Variants in ANKRD24 observed in about 807,000 individuals in gnomAD.
The protein encoded by ANKRD24 is ankyrin repeat domain 24.
Under a neutral mutation model 127.8 loss-of-function variants are expected in ANKRD24, and 109 were observed. The observed-to-expected ratio is 0.85, with a 90% CI of 0.73 to 1.00. The LOEUF is 1.00. Ranked by LOEUF, ANKRD24 falls within the 50% of genes least tolerant of loss-of-function variation. The pLI is 0.00. For synonymous variants in ANKRD24, 743 were observed against 671.1 expected (o/e 1.11, Z -1.66); for missense variants, 1,648 against 1,570.2 (o/e 1.05, Z -0.84).
rs61741405 is a variant in ANKRD24, at chr19:4,216,934, A to G, written c.1774A>G (p.Thr592Ala). The G allele has an allele frequency of 2.1e-3, 3,311 of 1,611,148 alleles. 71 individuals carry two copies. The African/African-American group carries it at 0.04, about 20-fold the overall frequency. ...AGCCGAGGCCACGGGAGCTGAGGCC[A>G]CAGGAGCCAAGGTCACAGAAACAAA... ...TGAEATGAEA[T>A]GAKVTETKPT... The change falls in exon 18 of 22, where the codon ACA becomes GCA. Residue 592 changes from threonine (T) to alanine (A), a missense_variant. Thr to Ala is a moderately conservative substitution (Grantham distance 58). Transcript: ENST00000318934.
At chr19:4,190,999 G>A (rs1281644256) in intron 2 of ANKRD24, among the ~76,000 whole-genome samples, 1 of 152,184 alleles carries the variant, frequency 6.6e-6, no homozygotes, top group Non-Finnish European at 1.5e-5. Context: ...GCAATGGGAG[G>A]GGTCGGGACA....
rs1203478398 is a variant in ANKRD24 at position 4,224,453 on chromosome 19, GGATTCTCAGCCAGATTCTGCA to G, written c.3393_3413del (p.Ile1131_Gln1137del). ...GGCCAGATGGATGAAGATGTGCAGC[GGATTCTCAGCCAGATTCTGCA>G]GATGCAGAGACTCCAGGCTCAGGGC... On this transcript the variant is annotated inframe_deletion, in exon 22 of 22. Transcript: ENST00000318934. 3 of 1,613,308 alleles carry G rather than the reference GGATTCTCAGCCAGATTCTGCA, an allele frequency of 1.9e-6. No homozygotes were observed. Among genetic ancestry groups the G allele is most frequent in the Non-Finnish European group, 2.5e-6 (3 of 1,179,726 alleles).
rs1473961874 is a variant in ANKRD24 at position 4,217,372 on chromosome 19, C to T, written c.2212C>T (p.Gln738Ter). ...RIRGLEEALR[Q>*]REREAAAELE... ...CCGTGGCTTGGAGGAGGCTCTCCGG[C>T]AGCGGGAGCGGGAGGCAGCTGCGGA... The change falls in exon 18 of 22, where the codon CAG (glutamine) becomes TAG (stop). Residue 738 changes from glutamine (Q) to a stop codon, truncating the protein, a stop_gained. Coordinates refer to ENST00000318934, the MANE Select transcript of ANKRD24 (RefSeq NM_001393985.1). LOFTEE classifies it high-confidence loss of function. 1 of 1,550,786 alleles carries T rather than the reference C, an allele frequency of 6.4e-7. No homozygotes were observed. Among genetic ancestry groups the T allele is most frequent in the African/African-American group, 1.4e-5 (1 of 73,046 alleles).
At chr19:4,184,918 G>A (rs1289180964) in intron 1 of ANKRD24, among the ~76,000 whole-genome samples, 2 of 150,790 alleles carry the variant, frequency 1.3e-5, no homozygotes, top group Non-Finnish European at 3.0e-5. Context: ...GTGGATGGAT[G>A]GATGGATGGA....
intron 7 of ANKRD24, among the ~76,000 whole-genome samples, chr19:4,206,835 C>T (rs181099587): frequency 6.6e-6 from 1 of 152,296 alleles, no homozygotes; most frequent in African/African-American, 2.4e-5. Context: ...GGGTCACACC[C>T]AGGCAGAAAG....
At chr19:4,224,383 C>A in intron 21 of ANKRD24, 45 bp from the exon 22 acceptor site, 1 of 1,590,770 alleles carries the variant, frequency 6.3e-7, no homozygotes, top group Non-Finnish European at 8.6e-7. Flanking sequence ...TTGGGGCAGC[C>A]ATGGAGGGTA....
rs757745785 is a variant in ANKRD24, at chr19:4,207,482, CCCT to C, written c.538-10_538-8del. 4.3e-6 allele frequency: 7 copies of C among 1,610,430 alleles called. No homozygotes were observed. Among genetic ancestry groups the C allele is most frequent in the African/African-American group, 2.7e-5 (2 of 74,812 alleles). ...GGGTCAGTTTCTCATGCCATCGCAT[CCCT>C]CCTCCTCCCTACCAGTCAGGCGCAA... On this transcript the variant is annotated splice_polypyrimidine_tract_variant and intron_variant, in intron 8 of 21. Coordinates refer to ENST00000318934, the MANE Select transcript of ANKRD24 (RefSeq NM_001393985.1).
At chr19:4,202,724 C>A in intron 6 of ANKRD24, 145 bp from the exon 7 acceptor site, 2 of 840,224 alleles carry the variant, frequency 2.4e-6, no homozygotes, top group Non-Finnish European at 3.9e-6. Flanking sequence ...TCTTTTCTCA[C>A]CAATTTTCAT....
intron 11 of ANKRD24, among the ~76,000 whole-genome samples, chr19:4,209,448 T>C (rs1229201914): frequency 6.7e-6 from 1 of 148,828 alleles, no homozygotes; most frequent in Non-Finnish European, 1.5e-5. Flanking sequence ...TGTTGTTTGT[T>C]TGTTTTGTTT....
At chr19:4,216,098 G>T (rs775682832) in intron 16 of ANKRD24, 48 bp downstream of exon 16, 5 of 1,536,554 alleles carry the variant, frequency 3.3e-6, no homozygotes, top group Non-Finnish European at 4.4e-6. Context: ...GTCCCCTGGG[G>T]CCCTGGAAGA....
intron 15 of ANKRD24, among the ~76,000 whole-genome samples, chr19:4,213,455 TC>T (rs1266135228): frequency 1.4e-5 from 2 of 144,458 alleles, no homozygotes; most frequent in African/African-American, 2.7e-5. Flanking sequence ...TATCCTTCCT[TC>T]TTTTTTTTTT....
chr19:4,206,399 T>C (rs1482049426), intron 7 of ANKRD24, among the ~76,000 whole-genome samples: 1 of 151,450 alleles, frequency 6.6e-6, no homozygotes, highest in Admixed American at 6.6e-5. Flanking sequence ...GCAGATTGCT[T>C]GAGCCCAGGA....
At chr19:4,213,779 C>T (rs1254602244) in intron 15 of ANKRD24, among the ~76,000 whole-genome samples, 5 of 151,992 alleles carry the variant, frequency 3.3e-5, no homozygotes, top group African/African-American at 9.7e-5. Context: ...GGATTACAGG[C>T]GCACACCATC....
At chr19:4,222,509 G>T (rs1970495806) in intron 19 of ANKRD24, among the ~76,000 whole-genome samples, 161 bp from the exon 20 acceptor site, 1 of 152,194 alleles carries the variant, frequency 6.6e-6, no homozygotes, top group South Asian at 2.1e-4. Context: ...ATTAAAACAG[G>T]CTGTGGGCCA....
rs1599463188 is a variant in ANKRD24 at position 4,217,574 on chromosome 19, T to G, written c.2414T>G (p.Leu805Arg). Residue 805 changes from leucine to arginine, a missense_variant, in exon 18 of 22, where the codon CTG (leucine) becomes CGG (arginine). Physicochemically the swap from Leu to Arg is moderately radical, Grantham distance 102. Transcript: ENST00000318934. ...REDLRDRDSRLRELEAASACL... is the reference protein window; with the variant it reads ...REDLRDRDSRRRELEAASACL... ...GACCTCCGAGACCGGGACTCCCGCC[T>G]GCGGGAGCTGGAGGCGGCCTCGGCC... The G allele has an allele frequency of 7.6e-7, 1 of 1,307,502 alleles. No individual in the cohort carries two copies. Among genetic ancestry groups the G allele is most frequent in the Non-Finnish European group, 9.7e-7 (1 of 1,032,376 alleles). The allele number at this position is 1,307,502 out of a possible 1,614,324, so 81.0% of individuals were successfully genotyped here.
intron 13 of ANKRD24, among the ~76,000 whole-genome samples, chr19:4,211,983 G>A (rs1227693701): frequency 1.3e-5 from 2 of 152,114 alleles, no homozygotes; most frequent in African/African-American, 2.4e-5. Flanking sequence ...GGCGGATCAC[G>A]AGGTCAGCAG....
rs1386030168 is a variant in ANKRD24 at position 4,202,064 on chromosome 19, C to T, written c.382C>T (p.Pro128Ser). 1.2e-6 allele frequency: 2 copies of T among 1,613,752 alleles called. No homozygotes were observed. Among genetic ancestry groups the T allele is most frequent in the South Asian group, 2.2e-5 (2 of 91,084 alleles). Residue 128 changes from proline to serine, a missense_variant, in exon 6 of 22, where the codon CCA becomes TCA. By Grantham distance (74) the Pro-to-Ser change is moderately conservative. Transcript: ENST00000318934. ...ALHLAAKYGHPQCLKQLLQAS... is the reference protein window; with the variant it reads ...ALHLAAKYGHSQCLKQLLQAS... ...CCACCTGGCCGCCAAATACGGGCAC[C>T]CACAGTGCTTGAAGCAACTACTGCA...
chr19:4,188,663 A>C (rs1968204624), intron 2 of ANKRD24, among the ~76,000 whole-genome samples: 1 of 152,042 alleles, frequency 6.6e-6, no homozygotes, highest in Non-Finnish European at 1.5e-5. Flanking sequence ...TACAGGCGTG[A>C]GCCACTGCGC....
In ANKRD24 at chr19:4,199,918, T is replaced by C; in HGVS notation, c.167T>C (p.Val56Ala). The C allele has an allele frequency of 6.4e-7, 1 of 1,571,610 alleles. No individual in the cohort carries two copies. Among genetic ancestry groups the C allele is most frequent in the Non-Finnish European group, 8.6e-7 (1 of 1,159,312 alleles). The change falls in exon 4 of 22, where the codon GTG (valine) becomes GCG (alanine). Residue 56 changes from valine (V) to alanine (A), a missense_variant. By Grantham distance (64) the Val-to-Ala change is moderately conservative. Transcript: ENST00000318934. This position sits in a 1 kb window ranked among gnomAD's most constrained non-coding sequence, Gnocchi z 5.2. ...GKSDERLLQA[V>A]ENNDAPRVAA... ...AGTGACGAGAGGCTGCTACAAGCCG[T>C]GGAAAACAACGATGCACCTCGGGTG...
Sources: gnomAD v4.1 joint callset for allele counts (sites outside exome capture counted in the v4.1 genomes callset) on GRCh38, gnomAD v4.1.1 for gene constraint, Gnocchi (gnomAD v3.1) non-coding constraint, MANE v1.5 for transcripts, NCBI Gene and HGNC (gene_info 2026-07-23, HGNC 2026-07-21) for gene names.